DIAPH2: variants seen among roughly 807,000 people sequenced by gnomAD.
DIAPH2 encodes the protein protein diaphanous homolog 2.
DIAPH2 carries 35 observed loss-of-function variants against 92.7 expected under a neutral mutation model. That is an observed-to-expected ratio of 0.38 (90% CI 0.29 to 0.50). DIAPH2 has a LOEUF of 0.50. Among genes scored for constraint, DIAPH2 ranks in the 20% least tolerant of loss-of-function variants. The probability of loss-of-function intolerance (pLI) is 0.94; values close to 1 mark genes in which losing one functional copy is unlikely to be tolerated. For missense variants in DIAPH2, 701 were observed against 819.5 expected (o/e 0.86, Z 1.77); for synonymous variants, 301 against 280.4 (o/e 1.07, Z -0.73).
At position 97,059,770 on chromosome X, in the gene DIAPH2, A is replaced by C. The variant is rs183056406; in HGVS notation, c.2051-13171A>C. 3.1e-3 allele frequency among the ~76,000 whole-genome samples: 343 copies of C among 111,695 alleles called. 3 individuals are homozygous for C. The highest frequency in any genetic ancestry group is 3.5e-3 in the Non-Finnish European group (184 of 53,142). ...AAAAGTCTTCATTCTTGTCATCTTC[A>C]TGTTGAGTAGGCTGAGAAGGAAGGG... is the stretch of plus-strand genomic sequence containing the variant. On this transcript the variant is annotated intron_variant, in intron 17 of 26. Transcript: ENST00000324765.
At chrX:97,512,124 G>A (rs1175090270) in intron 26 of DIAPH2, among the ~76,000 whole-genome samples, 1 of 112,997 alleles carries the variant, frequency 8.8e-6, no homozygotes, top group African/African-American at 3.3e-5. Flanking sequence ...ATTCGGCTGT[G>A]AATCCATCTG....
At chrX:97,474,412 G>T (rs1050198246) in intron 26 of DIAPH2, among the ~76,000 whole-genome samples, 1 of 111,983 alleles carries the variant, frequency 8.9e-6, no homozygotes, top group Admixed American at 9.5e-5. Context: ...GACTTATAGT[G>T]CCCTTATTAG....
intron 17 of DIAPH2, among the ~76,000 whole-genome samples, chrX:97,060,853 AT>A (rs981055862): frequency 2.3e-4 from 25 of 109,766 alleles, no homozygotes; most frequent in African/African-American, 4.3e-4. Flanking sequence ...TTATCCAACA[AT>A]TTTTTTTTTA....
rs182165449 is a variant in DIAPH2 at position 97,426,174 on chromosome X, A to G, written c.3146-3476A>G. Among the ~76,000 whole-genome samples the G allele has an allele frequency of 4.9e-3, 540 of 110,933 alleles. 5 individuals carry two copies. Among genetic ancestry groups the G allele is most frequent in the African/African-American group, 0.017 (516 of 30,513 alleles). On this transcript the variant is annotated intron_variant, in intron 25 of 26. Transcript: ENST00000324765. ...CTCCTTCTCTTGCCTGCTAAGTCCT[A>G]TTGACTGTATTAATGCCTTCAAAAT...
chrX:97,038,371 A>G (rs1171926270), intron 17 of DIAPH2, among the ~76,000 whole-genome samples: 3 of 111,248 alleles, frequency 2.7e-5, no homozygotes, highest in Admixed American at 9.6e-5. Flanking sequence ...CTTTGAGTAG[A>G]TATCCAGTAG....
chrX:97,294,437 G>C (rs2068626597), intron 23 of DIAPH2, among the ~76,000 whole-genome samples: 1 of 111,947 alleles, frequency 8.9e-6, no homozygotes, highest in African/African-American at 3.2e-5. Context: ...TAACATATTG[G>C]AATCCAAACA....
chrX:97,364,077 T>A (rs757532947), intron 24 of DIAPH2, among the ~76,000 whole-genome samples: 1 of 112,012 alleles, frequency 8.9e-6, no homozygotes, highest in Admixed American at 9.5e-5. Context: ...CAAGAACTTC[T>A]TGCAACATGG....
intron 15 of DIAPH2, among the ~76,000 whole-genome samples, chrX:96,955,779 C>T (rs1026057255): frequency 1.8e-5 from 2 of 112,817 alleles, no homozygotes; most frequent in Non-Finnish European, 3.7e-5. Context: ...CCAAGACATG[C>T]TGATGCAAGA....
At chrX:97,156,132 C>T (rs1243165250) in intron 22 of DIAPH2, among the ~76,000 whole-genome samples, 1 of 112,143 alleles carries the variant, frequency 8.9e-6, no homozygotes, top group Non-Finnish European at 1.9e-5. Flanking sequence ...GCCAGTGCAG[C>T]TAATTGGTTT....
chrX:97,286,676 A>G (rs180865628), intron 23 of DIAPH2, among the ~76,000 whole-genome samples: 2 of 109,808 alleles, frequency 1.8e-5, no homozygotes, highest in Admixed American at 2.0e-4. Flanking sequence ...GGCACCTCTC[A>G]CTCCCACGTG....
chrX:96,883,250 C>A (rs1351999345), intron 5 of DIAPH2, among the ~76,000 whole-genome samples: 8 of 111,105 alleles, frequency 7.2e-5, no homozygotes, highest in African/African-American at 2.0e-4. Flanking sequence ...CAGAAAATTA[C>A]AATTTTAAAA....
intron 24 of DIAPH2, among the ~76,000 whole-genome samples, chrX:97,376,108 A>G (rs1005830671): frequency 9.1e-6 from 1 of 110,203 alleles, no homozygotes; most frequent in African/African-American, 3.3e-5. Context: ...AAAAAAAAAC[A>G]GTAATTCCCC....
At chrX:97,383,787 A>G in intron 24 of DIAPH2, 122 bp from the exon 25 acceptor site, 1 of 581,754 alleles carries the variant, frequency 1.7e-6, no homozygotes, top group Non-Finnish European at 2.5e-6. Flanking sequence ...AAGTAATGGA[A>G]AGGTTTTTGT....
At chrX:97,277,025 A>T (rs894319419) in intron 23 of DIAPH2, among the ~76,000 whole-genome samples, 2 of 112,511 alleles carry the variant, frequency 1.8e-5, no homozygotes, top group African/African-American at 6.5e-5. Context: ...AATGTTCTTT[A>T]AAAAATGCCA....
intron 5 of DIAPH2, chrX:96,885,031 T>G: frequency 8.3e-7 from 1 of 1,211,042 alleles, no homozygotes; most frequent in Non-Finnish European, 1.1e-6. Context: ...AGCGATTGAT[T>G]ATCTGACCGT....
intron 23 of DIAPH2, among the ~76,000 whole-genome samples, chrX:97,291,599 C>T (rs1373668318): frequency 1.9e-5 from 2 of 107,708 alleles, no homozygotes; most frequent in African/African-American, 6.8e-5. Context: ...GTGGCGCGTT[C>T]TGGGCTCACT....
intron 23 of DIAPH2, among the ~76,000 whole-genome samples, chrX:97,335,334 T>C (rs1304518993): frequency 1.8e-5 from 2 of 111,918 alleles, no homozygotes; most frequent in Non-Finnish European, 3.8e-5. Context: ...CCATGTCTTA[T>C]CACTTTACTT....
intron 26 of DIAPH2, among the ~76,000 whole-genome samples, chrX:97,575,795 A>G (rs1026359128): frequency 8.9e-6 from 1 of 111,794 alleles, no homozygotes; most frequent in African/African-American, 3.3e-5. Flanking sequence ...AAGTTTGGCA[A>G]TTGGATGAGC....
At chrX:97,381,627 G>T (rs912810867) in intron 24 of DIAPH2, among the ~76,000 whole-genome samples, 12 of 111,632 alleles carry the variant, frequency 1.1e-4, no homozygotes, top group Non-Finnish European at 3.8e-5. Flanking sequence ...AGGCATCATA[G>T]TAGTGAAAAT....
Sources: allele counts gnomAD v4.1 joint callset (sites outside exome capture counted in the v4.1 genomes callset), GRCh38; gene constraint gnomAD v4.1.1; transcripts MANE v1.5; gene names NCBI Gene and HGNC (gene_info 2026-07-23, HGNC 2026-07-21).